Variants in LARGE1 observed in about 807,000 individuals in gnomAD.
LARGE1 encodes the protein LARGE xylosyl- and glucuronyltransferase 1.
A neutral mutation model predicts 87.6 loss-of-function variants in LARGE1; 43 were observed. The ratio of observed to expected loss-of-function variants is 0.49; its 90% CI spans 0.38 to 0.63. The LOEUF is 0.63. LARGE1 is among the 30% of genes least tolerant of loss of function. The pLI, the probability that LARGE1 is intolerant of heterozygous loss-of-function variation, is 0.00. For missense variants in LARGE1, 802 were observed against 1,000.2 expected, an observed-to-expected ratio of 0.80 and a Z score of 2.67; for synonymous variants, 434 against 394.6, an observed-to-expected ratio of 1.10 and a Z score of -1.18.
chr22:33,483,846 A>T (rs1437549050), intron 6 of LARGE1, among the ~76,000 whole-genome samples: 1 of 152,118 alleles, frequency 6.6e-6, no homozygotes, highest in Non-Finnish European at 1.5e-5. Flanking sequence ...AGGGTGGAGA[A>T]TCCTGTTCCC....
At chr22:33,695,569 T>TA (rs2082217923) in intron 2 of LARGE1, among the ~76,000 whole-genome samples, 1 of 152,214 alleles carries the variant, frequency 6.6e-6, no homozygotes, top group Non-Finnish European at 1.5e-5. Context: ...AAGACCCTCT[T>TA]ACCATATTTG....
At chr22:33,361,082 C>G (rs1203910211) in intron 9 of LARGE1, among the ~76,000 whole-genome samples, 2 of 149,050 alleles carry the variant, frequency 1.3e-5, no homozygotes, top group African/African-American at 4.9e-5. Flanking sequence ...GCGTGCACCA[C>G]CATGCCTGTA....
At chr22:33,305,999 C>CG (rs1934849266) in intron 11 of LARGE1, among the ~76,000 whole-genome samples, 1 of 151,968 alleles carries the variant, frequency 6.6e-6, no homozygotes, top group Admixed American at 6.6e-5. Flanking sequence ...CTACCACGCC[C>CG]GGCTAATTTT....
intron 2 of LARGE1, among the ~76,000 whole-genome samples, chr22:33,662,668 T>C (rs2081163536): frequency 1.3e-5 from 2 of 152,124 alleles, no homozygotes; most frequent in African/African-American, 2.4e-5. Context: ...CTTGTTAAAG[T>C]TAGCAGTGGC....
intron 1 of LARGE1, among the ~76,000 whole-genome samples, chr22:33,806,831 G>A (rs1224065154): frequency 6.6e-6 from 1 of 152,104 alleles, no homozygotes; most frequent in Non-Finnish European, 1.5e-5. Flanking sequence ...CCAACAAGGT[G>A]AAAACCCATC....
chr22:33,645,640 A>G (rs571841414), intron 3 of LARGE1, among the ~76,000 whole-genome samples: 1 of 152,344 alleles, frequency 6.6e-6, no homozygotes, highest in East Asian at 1.9e-4. Context: ...AGAAACTATC[A>G]TCAGAGTAAA....
chr22:33,431,838 A>G (rs549272976), intron 7 of LARGE1, among the ~76,000 whole-genome samples: 1 of 152,320 alleles, frequency 6.6e-6, no homozygotes, highest in Admixed American at 6.5e-5. Flanking sequence ...TTGTTACTGA[A>G]GAATGATATC....
At chr22:33,747,935 A>G (rs1016897027) in intron 2 of LARGE1, 1 of 145,046 alleles carries the variant, frequency 6.9e-6, no homozygotes, top group African/African-American at 2.5e-5. Flanking sequence ...AACAGGTGCA[A>G]TGGAGAGGGT....
At chr22:33,641,142 G>C (rs554917371) in intron 3 of LARGE1, among the ~76,000 whole-genome samples, 1 of 152,150 alleles carries the variant, frequency 6.6e-6, no homozygotes, top group African/African-American at 2.4e-5. Flanking sequence ...TCAAACAGGA[G>C]AGCTCCGGCT....
At chr22:33,600,863 G>A (rs994422759) in intron 5 of LARGE1, among the ~76,000 whole-genome samples, 3 of 152,118 alleles carry the variant, frequency 2.0e-5, no homozygotes, top group African/African-American at 7.2e-5. Context: ...TCAGGCGTTC[G>A]AGACCAACCT....
intron 2 of LARGE1, among the ~76,000 whole-genome samples, chr22:33,679,694 TAGCC>T (rs1316835822): frequency 6.6e-6 from 1 of 151,990 alleles, no homozygotes; most frequent in Non-Finnish European, 1.5e-5. Context: ...GTACAAAAAT[TAGCC>T]AGGTGTGATG....
chr22:33,565,800 T>C (rs1290065888), intron 5 of LARGE1, among the ~76,000 whole-genome samples: 1 of 152,138 alleles, frequency 6.6e-6, no homozygotes, highest in Non-Finnish European at 1.5e-5. Flanking sequence ...GAACAATCAA[T>C]GGCTTGCAGG....
chr22:33,182,360 C>A (rs769631921), intron 11 of LARGE1, among the ~76,000 whole-genome samples: 3 of 152,102 alleles, frequency 2.0e-5, no homozygotes, highest in Non-Finnish European at 4.4e-5. Flanking sequence ...TTTACTCTTT[C>A]CTGTTTCTGT....
At chr22:33,599,518 C>T (rs2079062122) in intron 5 of LARGE1, among the ~76,000 whole-genome samples, 1 of 152,148 alleles carries the variant, frequency 6.6e-6, no homozygotes, top group Non-Finnish European at 1.5e-5. Context: ...GAGCATTTCA[C>T]AGGCCATAGA....
At chr22:33,357,130 G>T (rs1365918662) in intron 9 of LARGE1, among the ~76,000 whole-genome samples, 1 of 152,092 alleles carries the variant, frequency 6.6e-6, no homozygotes, top group African/African-American at 2.4e-5. Flanking sequence ...GTCCATCAAT[G>T]GCTTAACGTA....
intron 6 of LARGE1, among the ~76,000 whole-genome samples, chr22:33,519,236 G>A (rs1343999580): frequency 3.1e-5 from 2 of 64,138 alleles, no homozygotes; most frequent in Non-Finnish European, 4.9e-5. Context: ...GTGCGCGCGC[G>A]TGTGTGTGTG....
chr22:33,169,773 C>A (rs1922463582), intron 11 of LARGE1, among the ~76,000 whole-genome samples: 1 of 151,944 alleles, frequency 6.6e-6, no homozygotes, highest in Non-Finnish European at 1.5e-5. Flanking sequence ...ATTGCTTGAA[C>A]CTGGGAGGCG....
At position 33,591,806 on chromosome 22, in the gene LARGE1, A is replaced by T. The variant is rs373811310; in HGVS notation, c.615+12629T>A. Among the ~76,000 whole-genome samples, 330 of 149,810 alleles carry T rather than the reference A, an allele frequency of 2.2e-3. 3 individuals carry two copies. Among genetic ancestry groups the T allele is most frequent in the African/African-American group, 7.9e-3 (320 of 40,348 alleles). Reference sequence around the variant, plus strand: ...CAGGACTGCTTGGGCCAGGAGTTCAAGATCAACACGGGCAATATAGCAAGA... The same window carrying T: ...CAGGACTGCTTGGGCCAGGAGTTCATGATCAACACGGGCAATATAGCAAGA... On this transcript the variant is annotated intron_variant, in intron 5 of 14. Transcript: ENST00000397394.
the LARGE1 span, among the ~76,000 whole-genome samples, chr22:33,117,378 C>A: frequency 6.6e-6 from 1 of 151,906 alleles, no homozygotes. Context: ...GTTGGACAAA[C>A]AACACCCATG....
Sources: gnomAD v4.1 joint callset for allele counts (sites outside exome capture counted in the v4.1 genomes callset) on GRCh38, gnomAD v4.1.1 for gene constraint, MANE v1.5 for transcripts, NCBI Gene and HGNC (gene_info 2026-07-23, HGNC 2026-07-21) for gene names.